Variants in GRIK3 observed in about 807,000 individuals in gnomAD.
GRIK3 encodes the protein glutamate ionotropic receptor kainate type subunit 3.
A neutral mutation model predicts 102.5 loss-of-function variants in GRIK3; 29 were observed. The observed-to-expected ratio is 0.28, with a 90% confidence interval of 0.21 to 0.39. The LOEUF is 0.39. Ranked by LOEUF, GRIK3 falls within the 10% of genes least tolerant of loss-of-function variation. The probability of loss-of-function intolerance (pLI) is 1.00; values close to 1 mark genes in which losing one functional copy is unlikely to be tolerated. For missense variants in GRIK3, 908 were observed against 1,252.4 expected, an observed-to-expected ratio of 0.73 and a Z score of 4.15; for synonymous variants, 511 against 504.9, an observed-to-expected ratio of 1.01 and a Z score of -0.16.
At chr1:36,909,866 C>A (rs1412013095) in intron 1 of GRIK3, among the ~76,000 whole-genome samples, 1 of 152,140 alleles carries the variant, frequency 6.6e-6, no homozygotes, top group Non-Finnish European at 1.5e-5. Flanking sequence ...ATACTGAATA[C>A]CCTAAGCATT....
intron 1 of GRIK3, among the ~76,000 whole-genome samples, chr1:36,917,803 C>T (rs1641419468): frequency 6.6e-6 from 1 of 152,212 alleles, no homozygotes; most frequent in Non-Finnish European, 1.5e-5. Context: ...GAGGACACCA[C>T]AGGAAAATGT....
chr1:36,957,472 G>GTGCCCCA (rs1557440401), intron 1 of GRIK3, among the ~76,000 whole-genome samples: 1 of 119,156 alleles, frequency 8.4e-6, no homozygotes, highest in Admixed American at 8.1e-5. Flanking sequence ...TATGTGCTCT[G>GTGCCCCA]TGAGTCTGTG....
intron 9 of GRIK3, among the ~76,000 whole-genome samples, chr1:36,845,921 G>A (rs927958668): frequency 6.6e-6 from 1 of 152,110 alleles, no homozygotes; most frequent in Admixed American, 6.5e-5. Flanking sequence ...GCCTATGTGG[G>A]TCACGATGTG....
intron 1 of GRIK3, among the ~76,000 whole-genome samples, chr1:37,012,908 C>A (rs907876726): frequency 6.6e-6 from 1 of 152,178 alleles, no homozygotes; most frequent in African/African-American, 2.4e-5. Flanking sequence ...AAAGAGAATT[C>A]CACTACTGCA....
intron 1 of GRIK3, among the ~76,000 whole-genome samples, chr1:37,002,041 C>G (rs1184591443): frequency 6.6e-6 from 1 of 152,166 alleles, no homozygotes; most frequent in Non-Finnish European, 1.5e-5. Context: ...AAAATGCTCT[C>G]AGAGAGCAAC....
chr1:37,024,325 T>G (rs1045509698), intron 1 of GRIK3, among the ~76,000 whole-genome samples: 1 of 152,112 alleles, frequency 6.6e-6, no homozygotes, highest in Non-Finnish European at 1.5e-5. Flanking sequence ...GTGGGCATGG[T>G]GATCATAATA....
At chr1:36,948,450 T>C (rs1175078094) in intron 1 of GRIK3, among the ~76,000 whole-genome samples, 1 of 152,184 alleles carries the variant, frequency 6.6e-6, no homozygotes, top group South Asian at 2.1e-4. Context: ...GGGGAACCTA[T>C]GTGCCTGGCT....
intron 1 of GRIK3, among the ~76,000 whole-genome samples, chr1:36,932,178 T>G (rs1641598458): frequency 6.6e-6 from 1 of 152,194 alleles, no homozygotes; most frequent in Admixed American, 6.5e-5. Flanking sequence ...ATGTTGACAA[T>G]TTCCTGCTGA....
At chr1:36,820,219 T>C (rs922114030) in intron 11 of GRIK3, among the ~76,000 whole-genome samples, 2 of 152,066 alleles carry the variant, frequency 1.3e-5, no homozygotes, top group Non-Finnish European at 2.9e-5. Flanking sequence ...CACCAAAATA[T>C]CCTTCAATAA....
At chr1:36,985,786 C>T (rs1373357695) in intron 1 of GRIK3, among the ~76,000 whole-genome samples, 1 of 152,200 alleles carries the variant, frequency 6.6e-6, no homozygotes, top group African/African-American at 2.4e-5. Flanking sequence ...CTGCCACTCC[C>T]CAGAACTCCT....
intron 1 of GRIK3, among the ~76,000 whole-genome samples, chr1:36,913,276 C>G (rs1421245896): frequency 6.6e-6 from 1 of 152,312 alleles, no homozygotes; most frequent in East Asian, 1.9e-4. Flanking sequence ...CCCTCTGTGC[C>G]AGCCTGCCCA....
chr1:36,968,494 T>C (rs1031209308), intron 1 of GRIK3, among the ~76,000 whole-genome samples: 1 of 152,158 alleles, frequency 6.6e-6, no homozygotes, highest in African/African-American at 2.4e-5. Flanking sequence ...GATTAGGGAA[T>C]GTTTTAACCT....
Position 36,799,454 on chromosome 1 carries a change from T to TC in GRIK3, c.*2396dup. On this transcript the variant is annotated 3_prime_UTR_variant, in exon 16 of 16. Transcript: ENST00000373091. ...TCACACGACTCTCTGGTCCTGGCCT[T>TC]CCCCCCGCTCCCCACTGTGCACACA... 1 of 152,436 alleles carries TC rather than the reference T, an allele frequency of 6.6e-6. No homozygotes were observed. The highest frequency in any genetic ancestry group is 1.5e-5 in the Non-Finnish European group (1 of 68,170). The allele number at this position is 152,436 out of a possible 1,614,324, so 9.4% of individuals were successfully genotyped here. A position where few individuals can be genotyped will look rare whatever the true frequency, so the allele number is the denominator to read the frequency against.
At chr1:36,807,632 C>T (rs1252243411) in intron 13 of GRIK3, among the ~76,000 whole-genome samples, 2 of 152,084 alleles carry the variant, frequency 1.3e-5, no homozygotes, top group African/African-American at 4.8e-5. Flanking sequence ...TTCTATTCTC[C>T]AGGTGCTTCC....
chr1:36,802,657 G>T (rs1333897010), intron 15 of GRIK3, among the ~76,000 whole-genome samples: 1 of 152,198 alleles, frequency 6.6e-6, no homozygotes, highest in African/African-American at 2.4e-5. Context: ...TAGCCAAGAG[G>T]AACATCAAGA....
chr1:36,815,077 C>T (rs1642611281), intron 13 of GRIK3, among the ~76,000 whole-genome samples: 1 of 152,226 alleles, frequency 6.6e-6, no homozygotes. Flanking sequence ...TGCATGTATA[C>T]ACATCCTCAC....
chr1:37,013,206 T>C (rs773781715), intron 1 of GRIK3, among the ~76,000 whole-genome samples: 26 of 151,996 alleles, frequency 1.7e-4, no homozygotes, highest in Non-Finnish European at 3.2e-4. Flanking sequence ...AAGAGAACAG[T>C]ATGGGGGAAA....
At chr1:36,837,157 C>T (rs998926864) in intron 10 of GRIK3, among the ~76,000 whole-genome samples, 7 of 152,120 alleles carry the variant, frequency 4.6e-5, no homozygotes, top group Admixed American at 6.5e-5. Flanking sequence ...GAGCAGCTGT[C>T]GTCTCCACCT....
At chr1:36,925,252 C>T (rs528805545) in intron 1 of GRIK3, among the ~76,000 whole-genome samples, 7 of 152,296 alleles carry the variant, frequency 4.6e-5, no homozygotes, top group East Asian at 3.9e-4. Context: ...AGAAACATAC[C>T]GGAATACACA....
Sources: allele counts gnomAD v4.1 joint callset (sites outside exome capture counted in the v4.1 genomes callset), GRCh38; gene constraint gnomAD v4.1.1; transcripts MANE v1.5; gene names NCBI Gene and HGNC (gene_info 2026-07-23, HGNC 2026-07-21).